The following IFT122 variants were observed in gnomAD, a reference collection of about 807,000 sequenced individuals.
IFT122 encodes the protein intraflagellar transport 122, also known as intraflagellar transport protein 122 homolog.
In IFT122, 118 loss-of-function variants were observed where a neutral mutation model predicts 161.6. The observed-to-expected ratio is 0.73, with a 90% CI of 0.63 to 0.85. The LOEUF (loss-of-function observed/expected upper bound fraction) is 0.85, where lower values mean the gene tolerates loss of function less well. Among genes scored for constraint, IFT122 ranks in the 40% least tolerant of loss-of-function variants. IFT122 has a pLI of 0.00. For synonymous variants in IFT122, 550 were observed against 602.4 expected, an observed-to-expected ratio of 0.91 and a Z score of 1.27; for missense variants, 1,381 against 1,579.6, an observed-to-expected ratio of 0.87 and a Z score of 2.13.
At chr3:129,476,174 A>T (rs976028723) in intron 9 of IFT122, 141 bp from the exon 10 acceptor site, 42 of 843,568 alleles carry the variant, frequency 5.0e-5, no homozygotes, top group East Asian at 3.2e-4. Context: ...TCACCATGGG[A>T]TGACACAGGA....
At chr3:129,461,841 C>T (rs1559870693) in intron 5 of IFT122, among the ~76,000 whole-genome samples, 1 of 152,206 alleles carries the variant, frequency 6.6e-6, no homozygotes, top group Non-Finnish European at 1.5e-5. Context: ...AGCATTACAG[C>T]ACTGGTGTAG....
intron 7 of IFT122, 30 bp from the exon 8 acceptor site, chr3:129,466,860 T>C (rs953763278): frequency 6.2e-7 from 1 of 1,602,190 alleles, no homozygotes; most frequent in Admixed American, 1.7e-5. Flanking sequence ...CTAGGCAATG[T>C]AATTTTGAAC....
chr3:129,492,816 C>CTTTTTT (rs376279677), intron 17 of IFT122, among the ~76,000 whole-genome samples: 3 of 125,714 alleles, frequency 2.4e-5, no homozygotes, highest in Non-Finnish European at 1.7e-5. Flanking sequence ...CTTTTTTTTT[C>CTTTTTT]TTTTTTTTTT....
chr3:129,447,985 T>A (rs1225206675), intron 1 of IFT122, among the ~76,000 whole-genome samples: 1 of 152,202 alleles, frequency 6.6e-6, no homozygotes, highest in Non-Finnish European at 1.5e-5. Context: ...TACAATTTTA[T>A]TTTTGTTTTA....
At chr3:129,456,216 A>G (rs2075461551) in intron 3 of IFT122, 1 of 1,286,160 alleles carries the variant, frequency 7.8e-7, no homozygotes, top group African/African-American at 1.5e-5. Flanking sequence ...TATGCTTTTC[A>G]TCACCATCAC....
intron 20 of IFT122, chr3:129,503,976 A>C (rs2081917673): frequency 8.3e-6 from 3 of 359,436 alleles, no homozygotes; most frequent in Non-Finnish European, 1.6e-5. Context: ...CTGTTTCCTT[A>C]GGTGTCGCCC....
At position 129,516,694 on chromosome 3, in the gene IFT122, G is replaced by GCGCACACA. The variant is rs1243629398; in HGVS notation, c.3266-774_3266-773insGCACACAC. On this transcript the variant is annotated intron_variant, in intron 26 of 29. Transcript: ENST00000348417. Reference sequence around the variant, plus strand: ...CCCTGCACACACACAGATTGCTCCTGCACACACACACACACACACACACAC... The same window carrying GCGCACACA: ...CCCTGCACACACACAGATTGCTCCTGCGCACACACACACACACACACACACACACACAC... Among the ~76,000 whole-genome samples, 39 of 50,216 alleles carry GCGCACACA rather than the reference G, an allele frequency of 7.8e-4. 2 individuals carry two copies. Among genetic ancestry groups the GCGCACACA allele is most frequent in the African/African-American group, 4.1e-3 (38 of 9,216 alleles). The allele number at this position is 50,216 out of a possible 152,430, so 32.9% of individuals were successfully genotyped here. A position where few individuals can be genotyped will look rare whatever the true frequency, so the allele number is the denominator to read the frequency against.
At chr3:129,507,900 G>A in intron 23 of IFT122, 138 bp downstream of exon 23, 1 of 717,230 alleles carries the variant, frequency 1.4e-6, no homozygotes, top group Non-Finnish European at 2.5e-6. Flanking sequence ...GGTCTCCTCT[G>A]GGAAGAAAAA....
At chr3:129,477,021 C>T (rs2078034536) in intron 11 of IFT122, among the ~76,000 whole-genome samples, 1 of 149,714 alleles carries the variant, frequency 6.7e-6, no homozygotes, top group Non-Finnish European at 1.5e-5. Context: ...TAAATCCTCT[C>T]TGAAAAATGT....
chr3:129,448,499 C>G (rs1329714646), intron 1 of IFT122, among the ~76,000 whole-genome samples: 1 of 152,118 alleles, frequency 6.6e-6, no homozygotes, highest in Non-Finnish European at 1.5e-5. Context: ...CCACCCTAAT[C>G]TTTTATTATG....
Position 129,519,199 on chromosome 3 carries a change from C to T in IFT122, c.3471+13C>T, listed in dbSNP as rs1172332036. The T allele has an allele frequency of 1.9e-6, 3 of 1,611,468 alleles. No homozygotes were observed. Among genetic ancestry groups the T allele is most frequent in the South Asian group, 1.1e-5 (1 of 90,960 alleles). On this transcript the variant is annotated intron_variant, in intron 28 of 29. Transcript: ENST00000348417. Reference sequence around the variant, plus strand: ...GCTGAGCTTTGAGGTGAGGGTGCCTCTCTGGGTGACCTGCAGGAGGGCAGC... The same window carrying T: ...GCTGAGCTTTGAGGTGAGGGTGCCTTTCTGGGTGACCTGCAGGAGGGCAGC...
chr3:129,483,727 A>G, intron 15 of IFT122, 45 bp downstream of exon 15: 1 of 1,524,692 alleles, frequency 6.6e-7, no homozygotes, highest in South Asian at 1.2e-5. Context: ...CAAGGCTGAC[A>G]AGACCAGGGA....
intron 12 of IFT122, among the ~76,000 whole-genome samples, 186 bp downstream of exon 12, chr3:129,478,404 A>G (rs536525570): frequency 2.0e-5 from 3 of 152,308 alleles, no homozygotes; most frequent in African/African-American, 7.2e-5. Context: ...TCAGCAAGTC[A>G]TGAGCCATAA....
At chr3:129,455,469 C>A (rs1246510002) in intron 3 of IFT122, among the ~76,000 whole-genome samples, 1 of 151,966 alleles carries the variant, frequency 6.6e-6, no homozygotes, top group Non-Finnish European at 1.5e-5. Context: ...CCATGCCTGG[C>A]CCAAGTTTAA....
chr3:129,476,662 G>A lies in IFT122; in HGVS notation c.1009-1G>A, dbSNP rs2077985457. ...GAATTGACAGTTCTCTCACCCCGCA[G>A]GTGGTCGGCTGCCAGGACGGCACCA... On this transcript the variant is annotated splice_acceptor_variant, in intron 10 of 29. Coordinates refer to ENST00000348417, the MANE Select transcript of IFT122 (RefSeq NM_052989.3). LOFTEE classifies it high-confidence loss of function. The A allele has an allele frequency of 6.2e-7, 1 of 1,614,238 alleles. No homozygotes were observed.
Position 129,498,265 on chromosome 3 carries a change from C to T in IFT122, c.2209-1637C>T, listed in dbSNP as rs1463870672. On this transcript the variant is annotated intron_variant, in intron 18 of 29. Transcript: ENST00000348417. The stretch of plus-strand genomic sequence containing the variant: ...CCTCTCACCCTTGCCGTGGTCACCC[C>T]TGGTCCCCTGAGCACTCACTGAAGT... 2.0e-5 allele frequency among the ~76,000 whole-genome samples: 3 copies of T among 152,354 alleles called. No individual in the cohort carries two copies. In the East Asian group the frequency reaches 5.8e-4, roughly 29 times the overall value.
intron 20 of IFT122, among the ~76,000 whole-genome samples, chr3:129,503,446 C>T (rs3774779): frequency 6.6e-6 from 1 of 152,068 alleles, no homozygotes; most frequent in Non-Finnish European, 1.5e-5. Context: ...CAGCCTCAGG[C>T]TGGCAGAAGC....
chr3:129,503,706 G>A (rs62267562), intron 20 of IFT122, among the ~76,000 whole-genome samples: 6,813 of 152,218 alleles, frequency 0.045, 212 homozygotes, highest in Non-Finnish European at 0.066. Context: ...AGAAAAGGTG[G>A]GGCTAGGGAC....
chr3:129,504,213 T>C (rs1236228896), intron 20 of IFT122, 106 bp from the exon 21 acceptor site: 7 of 944,632 alleles, frequency 7.4e-6, no homozygotes, highest in Non-Finnish European at 1.2e-5. Flanking sequence ...CTCTGAGTTG[T>C]CAGGCTGGCA....
Sources: gnomAD v4.1 joint callset for allele counts (sites outside exome capture counted in the v4.1 genomes callset) on GRCh38, gnomAD v4.1.1 for gene constraint, MANE v1.5 for transcripts, NCBI Gene and HGNC (gene_info 2026-07-23, HGNC 2026-07-21) for gene names.